The following RXRA variants were observed in gnomAD, a reference collection of about 807,000 sequenced individuals.
RXRA encodes the protein retinoic acid receptor RXR-alpha.
RXRA carries 5 observed loss-of-function variants against 44.5 expected under a neutral mutation model. That is an observed-to-expected ratio of 0.11 (90% confidence interval 0.06 to 0.24). RXRA has a LOEUF of 0.24. Among genes scored for constraint, RXRA ranks in the 10% least tolerant of loss-of-function variants. The probability of loss-of-function intolerance (pLI) is 1.00; values close to 1 mark genes in which losing one functional copy is unlikely to be tolerated. For missense variants in RXRA, 412 were observed against 646.5 expected (o/e 0.64, Z 3.93); for synonymous variants, 291 against 271.4 (o/e 1.07, Z -0.71).
intron 1 of RXRA, chr9:134,379,621 C>T: frequency 1.0e-6 from 1 of 985,448 alleles, no homozygotes; most frequent in Non-Finnish European, 1.2e-6. Flanking sequence ...CGCAGGGTCT[C>T]ACCCTCCTGC....
At chr9:134,419,915 C>T (rs1014452827) in intron 5 of RXRA, among the ~76,000 whole-genome samples, 2 of 152,220 alleles carry the variant, frequency 1.3e-5, no homozygotes, top group African/African-American at 4.8e-5. Context: ...CATTCTGCTC[C>T]CTGTGGCCGG....
At chr9:134,369,633 A>G (rs1588269281) in intron 1 of RXRA, among the ~76,000 whole-genome samples, 2 of 151,884 alleles carry the variant, frequency 1.3e-5, no homozygotes, top group Non-Finnish European at 2.9e-5. Context: ...TGTCCCCTCC[A>G]GCCCCACCCA....
At chr9:134,331,800 C>T (rs1407100235) in intron 1 of RXRA, among the ~76,000 whole-genome samples, 5 of 152,134 alleles carry the variant, frequency 3.3e-5, no homozygotes, top group East Asian at 1.9e-4. Flanking sequence ...ACTTGACTGG[C>T]GGGGGCCGCC....
chr9:134,367,749 G>T (rs1348950672), intron 1 of RXRA, among the ~76,000 whole-genome samples: 1 of 152,198 alleles, frequency 6.6e-6, no homozygotes, highest in South Asian at 2.1e-4. Context: ...CTCCCCCTCG[G>T]GTGGGGGGTG....
At chr9:134,394,844 T>C (rs1830854965) in intron 1 of RXRA, among the ~76,000 whole-genome samples, 1 of 152,164 alleles carries the variant, frequency 6.6e-6, no homozygotes. Context: ...TGAGAGGCAA[T>C]GTCAGGGGGC....
intron 5 of RXRA, among the ~76,000 whole-genome samples, chr9:134,418,573 G>A (rs1295920770): frequency 2.0e-5 from 3 of 152,180 alleles, no homozygotes; most frequent in South Asian, 4.1e-4. Flanking sequence ...TGCAGCTCAC[G>A]TGGCCTGGAA....
intron 1 of RXRA, among the ~76,000 whole-genome samples, chr9:134,345,721 T>A (rs1271423310): frequency 2.6e-5 from 4 of 152,180 alleles, no homozygotes; most frequent in African/African-American, 9.7e-5. Flanking sequence ...TGAAATTAGC[T>A]GCTGCTATAT....
chr9:134,339,283 G>A (rs1156735764), intron 1 of RXRA, among the ~76,000 whole-genome samples: 12 of 152,256 alleles, frequency 7.9e-5, no homozygotes, highest in Middle Eastern at 3.2e-3. Flanking sequence ...TCAGGGGCGC[G>A]TCGTCCTCCC....
chr9:134,381,837 C>T (rs574833875), intron 1 of RXRA, among the ~76,000 whole-genome samples: 3 of 152,202 alleles, frequency 2.0e-5, no homozygotes, highest in South Asian at 2.1e-4. Context: ...TTAGGTGCTC[C>T]GTCGTGAAGT....
rs752088050 is a variant in RXRA, at chr9:134,401,885, G to T, written c.279+3G>T. On this transcript the variant is annotated splice_donor_region_variant and intron_variant, in intron 2 of 9. Coordinates refer to ENST00000481739, the MANE Select transcript of RXRA (RefSeq NM_002957.6). ...GCTTCAGCACTGGCAGCCCCCAGGT[G>T]AGTGCGGGGCTGGGGCAAGGGGAGG... The T allele has an allele frequency of 1.1e-5, 17 of 1,604,770 alleles. No individual in the cohort carries two copies. Among genetic ancestry groups the T allele is most frequent in the Non-Finnish European group, 1.4e-5 (17 of 1,174,312 alleles).
At chr9:134,393,920 G>A (rs955464317) in intron 1 of RXRA, among the ~76,000 whole-genome samples, 3 of 152,040 alleles carry the variant, frequency 2.0e-5, no homozygotes, top group Non-Finnish European at 4.4e-5. Context: ...ATCAGCCTCG[G>A]CACCACTTCC....
chr9:134,368,096 G>C (rs1830436289), intron 1 of RXRA, among the ~76,000 whole-genome samples: 1 of 152,234 alleles, frequency 6.6e-6, no homozygotes, highest in African/African-American at 2.4e-5. Flanking sequence ...CCTGGGGCTA[G>C]GGTCTCCTCA....
chr9:134,329,227 G>C (rs1272896465), intron 1 of RXRA, among the ~76,000 whole-genome samples: 1 of 152,226 alleles, frequency 6.6e-6, no homozygotes, highest in East Asian at 1.9e-4. Flanking sequence ...GGGGCTTCTG[G>C]TAACATCAGA....
rs1233571417 is a variant in RXRA at position 134,407,261 on chromosome 9, C to T, written c.280-888C>T. On this transcript the variant is annotated intron_variant, in intron 2 of 9. Transcript: ENST00000481739. The surrounding 1 kb of genome is among the most constrained non-coding windows in gnomAD (Gnocchi z 4.8). ...AGAAGGGGGGATGGGATTTGGAGGC[C>T]TGAGGAAGGAAGGAGGGGAGCTTCC... 6.6e-6 allele frequency among the ~76,000 whole-genome samples: 1 copy of T among 152,196 alleles called. No individual in the cohort carries two copies. Among genetic ancestry groups the T allele is most frequent in the Non-Finnish European group, 1.5e-5 (1 of 68,032 alleles).
chr9:134,426,373 T>A lies in RXRA; in HGVS notation c.911-2735T>A, dbSNP rs1831434731. The A allele has an allele frequency of 3.6e-5, 35 of 985,422 alleles. No homozygotes were observed. The highest frequency in any genetic ancestry group is 4.2e-5 in the Non-Finnish European group (35 of 829,926). 61.0% of individuals were successfully genotyped at this position (985,422 alleles called of 1,614,324 possible). Reference sequence around the variant, plus strand: ...GTAAAGTGGGTTCCTCTCCTATTTTTCTCTTACATCCGAGAAGGAGGAGGG... The same window carrying A: ...GTAAAGTGGGTTCCTCTCCTATTTTACTCTTACATCCGAGAAGGAGGAGGG... On this transcript the variant is annotated intron_variant, in intron 6 of 9. Coordinates refer to ENST00000481739, the MANE Select transcript of RXRA (RefSeq NM_002957.6). This position sits in a 1 kb window ranked among gnomAD's most constrained non-coding sequence, Gnocchi z 4.6.
intron 1 of RXRA, among the ~76,000 whole-genome samples, chr9:134,401,129 C>G (rs1016640195): frequency 1.3e-5 from 2 of 152,242 alleles, no homozygotes; most frequent in African/African-American, 4.8e-5. Flanking sequence ...CCTCCCAAAT[C>G]CACGAATTTA....
intron 1 of RXRA, among the ~76,000 whole-genome samples, chr9:134,362,347 C>T (rs1011146979): frequency 6.6e-6 from 1 of 152,212 alleles, no homozygotes; most frequent in Non-Finnish European, 1.5e-5. Flanking sequence ...TCCCATCTCT[C>T]CCTGGGGTGG....
At chr9:134,347,284 T>C (rs933343274) in intron 1 of RXRA, among the ~76,000 whole-genome samples, 2 of 152,226 alleles carry the variant, frequency 1.3e-5, no homozygotes, top group Admixed American at 1.3e-4. Context: ...CTAATTTTCC[T>C]GTGTAATTTA....
intron 8 of RXRA, 49 bp from the exon 9 acceptor site, chr9:134,434,053 C>A (rs35272031): frequency 1.4e-6 from 2 of 1,465,278 alleles, no homozygotes; most frequent in Admixed American, 1.7e-5. Context: ...GGCAGGTGCC[C>A]GAGACACGCC....
Sources: gnomAD v4.1 joint callset for allele counts (sites outside exome capture counted in the v4.1 genomes callset) on GRCh38, gnomAD v4.1.1 for gene constraint, Gnocchi (gnomAD v3.1) non-coding constraint, MANE v1.5 for transcripts, NCBI Gene and HGNC (gene_info 2026-07-23, HGNC 2026-07-21) for gene names.